Variants in INPP5K observed in about 807,000 individuals in gnomAD.
INPP5K encodes inositol polyphosphate-5-phosphatase K.
A neutral mutation model predicts 53.5 loss-of-function variants in INPP5K; 35 were observed. The ratio of observed to expected loss-of-function variants is 0.65; its 90% CI spans 0.50 to 0.87. The LOEUF is 0.87. Among genes scored for constraint, INPP5K ranks in the 40% least tolerant of loss-of-function variants. INPP5K has a pLI of 0.00. For missense variants in INPP5K, 550 were observed against 586.2 expected, an observed-to-expected ratio of 0.94 and a Z score of 0.64; for synonymous variants, 253 against 232.8, an observed-to-expected ratio of 1.09 and a Z score of -0.79.
At chr17:1,504,284 G>T (rs546631691) in intron 7 of INPP5K, among the ~76,000 whole-genome samples, 1 of 152,360 alleles carries the variant, frequency 6.6e-6, no homozygotes, top group African/African-American at 2.4e-5. Flanking sequence ...GGCTGGGGGT[G>T]GCACAAGGCA....
At chr17:1,512,341 T>C (rs938299725) in intron 3 of INPP5K, among the ~76,000 whole-genome samples, 3 of 152,130 alleles carry the variant, frequency 2.0e-5, no homozygotes, top group Non-Finnish European at 4.4e-5. Flanking sequence ...TCTAGCTCCC[T>C]ATCTACAGAA....
At chr17:1,499,153 G>A (rs2074939170) in intron 7 of INPP5K, among the ~76,000 whole-genome samples, 1 of 152,214 alleles carries the variant, frequency 6.6e-6, no homozygotes, top group Non-Finnish European at 1.5e-5. Context: ...TACATAAAAT[G>A]TTTAGCACAG....
intron 7 of INPP5K, 59 bp from the exon 8 acceptor site, chr17:1,498,181 A>G: frequency 7.0e-7 from 1 of 1,420,208 alleles, no homozygotes; most frequent in Non-Finnish European, 9.6e-7. Context: ...GTTGGCTAAG[A>G]GCAGAAATGA....
chr17:1,511,192 T>A lies in INPP5K; in HGVS notation c.262-1393A>T, dbSNP rs73294709. On this transcript the variant is annotated intron_variant, in intron 3 of 11. Transcript: ENST00000421807. ...ATCTGCTCAAGTGCCTCCTCTCTCA[T>A]TTACTCCTGCCAAGCCTGTAAGGAA... Among the ~76,000 whole-genome samples, 1,517 of 152,248 alleles carry A rather than the reference T, an allele frequency of 1.0e-2. 26 individuals carry two copies. Among genetic ancestry groups the A allele is most frequent in the African/African-American group, 0.035 (1,441 of 41,542 alleles).
At position 1,495,847 on chromosome 17, in the gene INPP5K, C is replaced by T. The variant is rs763556727; in HGVS notation, c.1323G>A (p.Leu441=). The change falls in exon 12 of 12, where the codon CTG becomes CTA. Residue 441 remains leucine, a synonymous_variant. Transcript: ENST00000421807. ...CTCAGATCTGTGGCTGTGCTTCACCCAGTGGGTCCTCCCTCAAGGAGCCAG... is the reference window on the plus strand; with the variant it reads ...CTCAGATCTGTGGCTGTGCTTCACCTAGTGGGTCCTCCCTCAAGGAGCCAG... ...IPPGSLREDP[L]GEAQPQI 2.4e-5 allele frequency: 38 copies of T among 1,613,514 alleles called. No individual in the cohort carries two copies. In the South Asian group the frequency reaches 3.7e-4, roughly 16 times the overall value.
intron 6 of INPP5K, 142 bp downstream of exon 6, chr17:1,507,973 C>T (rs1479714040): frequency 5.5e-5 from 38 of 692,918 alleles, no homozygotes; most frequent in African/African-American, 1.4e-4. Flanking sequence ...CCCCTGGATG[C>T]GAAGCCCTGC....
chr17:1,496,846 T>C, intron 8 of INPP5K, 43 bp from the exon 9 acceptor site: 1 of 1,598,972 alleles, frequency 6.3e-7, no homozygotes, highest in Non-Finnish European at 8.5e-7. Context: ...CGCAGCATCA[T>C]TCCCTCCTCT....
rs752344260 is a variant in INPP5K at position 1,516,405 on chromosome 17, G to A, written c.44+51C>T. The A allele has an allele frequency of 1.2e-5, 18 of 1,550,612 alleles. 2 individuals are homozygous for A. The South Asian group carries it at 2.0e-4, about 17-fold the overall frequency. ...GTCCACCCCCAGCCCGCAGCCCAAG[G>A]GGCGCCGATCCCCCCGAGCAGGCCT... On this transcript the variant is annotated intron_variant, in intron 1 of 11. Coordinates refer to ENST00000421807, the MANE Select transcript of INPP5K (RefSeq NM_016532.4).
In INPP5K at chr17:1,496,783, AGC is replaced by A; in HGVS notation, c.982_983del (p.Ala328SerfsTer16). On this transcript the variant is annotated frameshift_variant, in exon 9 of 12. Coordinates refer to ENST00000421807, the MANE Select transcript of INPP5K (RefSeq NM_016532.4). LOFTEE classifies it high-confidence loss of function. ...FDLELKPLVSAPLIVLMPEDL... is the reference protein window; with the variant it reads ...FDLELKPLVSXPLIVLMPEDL... ...CCTCGGGCATCAGGACGATCAGCGG[AGC>A]AGACACCAATGGCTTCAGCTAGACA... The A allele has an allele frequency of 3.1e-6, 5 of 1,614,126 alleles. No individual in the cohort carries two copies. Among genetic ancestry groups the A allele is most frequent in the Non-Finnish European group, 3.4e-6 (4 of 1,180,010 alleles).
At chr17:1,496,585 T>A (rs1447074051) in intron 9 of INPP5K, 81 bp downstream of exon 9, 11 of 1,567,618 alleles carry the variant, frequency 7.0e-6, no homozygotes, top group Non-Finnish European at 9.6e-6. Flanking sequence ...TTCGTCAGCA[T>A]CTGCCCAGCT....
chr17:1,495,058 T>C lies in INPP5K; in HGVS notation c.*765A>G. The C allele has an allele frequency of 6.6e-6, 1 of 152,336 alleles. No homozygotes were observed. Among genetic ancestry groups the C allele is most frequent in the African/African-American group, 2.4e-5 (1 of 41,558 alleles). 9.4% of individuals were successfully genotyped at this position (152,336 alleles called of 1,614,324 possible). ...TCTGTGGCCACAGCTCCTTGACCACTTGTCACCCCTTCCTCAGATGGCAGG... is the reference window on the plus strand; with the variant it reads ...TCTGTGGCCACAGCTCCTTGACCACCTGTCACCCCTTCCTCAGATGGCAGG... On this transcript the variant is annotated 3_prime_UTR_variant, in exon 12 of 12. Transcript: ENST00000421807.
intron 3 of INPP5K, among the ~76,000 whole-genome samples, chr17:1,510,259 CA>C (rs1246615029): frequency 6.6e-6 from 1 of 152,178 alleles, no homozygotes; most frequent in East Asian, 1.9e-4. Flanking sequence ...CTCTGTCGCC[CA>C]GGCTGGAGTG....
chr17:1,512,218 T>C (rs2075325618), intron 3 of INPP5K, among the ~76,000 whole-genome samples: 1 of 152,182 alleles, frequency 6.6e-6, no homozygotes, highest in Admixed American at 6.5e-5. Flanking sequence ...CTAATTTCCT[T>C]GGCTCAATTC....
intron 4 of INPP5K, 54 bp from the exon 5 acceptor site, chr17:1,509,407 C>T: frequency 6.5e-7 from 1 of 1,529,984 alleles, no homozygotes; most frequent in Non-Finnish European, 9.0e-7. Flanking sequence ...GGACACACCC[C>T]TCTTTCCACA....
intron 7 of INPP5K, among the ~76,000 whole-genome samples, chr17:1,506,433 T>C (rs1285452835): frequency 6.6e-6 from 1 of 152,174 alleles, no homozygotes; most frequent in East Asian, 1.9e-4. Flanking sequence ...CCACACCTTA[T>C]AGCTGACAAA....
At chr17:1,497,755 A>C (rs1278381056) in intron 8 of INPP5K, 181 bp downstream of exon 8, 1 of 593,580 alleles carries the variant, frequency 1.7e-6, no homozygotes, top group African/African-American at 1.8e-5. Flanking sequence ...GTTTTGACAG[A>C]CAGAGCCATC....
chr17:1,500,122 C>A (rs528241292), intron 7 of INPP5K, among the ~76,000 whole-genome samples: 1 of 152,328 alleles, frequency 6.6e-6, no homozygotes, highest in South Asian at 2.1e-4. Context: ...TATTTTAGAA[C>A]CTTTAAGGCA....
At chr17:1,497,898 T>A in intron 8 of INPP5K, 38 bp downstream of exon 8, 1 of 1,565,552 alleles carries the variant, frequency 6.4e-7, no homozygotes, top group Non-Finnish European at 8.8e-7. Flanking sequence ...CCAGCATAGC[T>A]ATTCCTCTGG....
At chr17:1,506,887 C>T (rs535846565) in intron 7 of INPP5K, 93 bp downstream of exon 7, 2 of 854,552 alleles carry the variant, frequency 2.3e-6, no homozygotes, top group Admixed American at 2.3e-5. Flanking sequence ...ATTCCTGCCC[C>T]CCCTAACACT....
Sources: gnomAD v4.1 joint callset for allele counts (sites outside exome capture counted in the v4.1 genomes callset) on GRCh38, gnomAD v4.1.1 for gene constraint, MANE v1.5 for transcripts, NCBI Gene and HGNC (gene_info 2026-07-23, HGNC 2026-07-21) for gene names.